RABGEF1: variants seen among roughly 807,000 people sequenced by gnomAD.
RABGEF1 encodes rab5 GDP/GTP exchange factor.
In RABGEF1, 26 loss-of-function variants were observed where a neutral mutation model predicts 57.3. The observed-to-expected ratio is 0.45, with a 90% CI of 0.33 to 0.63. The LOEUF (loss-of-function observed/expected upper bound fraction) is 0.63, where lower values mean the gene tolerates loss of function less well. Ranked by LOEUF, RABGEF1 falls within the 20% of genes least tolerant of loss-of-function variation. The pLI is 0.02. For synonymous variants in RABGEF1, 185 were observed against 210.7 expected, an observed-to-expected ratio of 0.88 and a Z score of 1.06; for missense variants, 464 against 607.6, an observed-to-expected ratio of 0.76 and a Z score of 2.48.
At chr7:66,701,217 G>A (rs1793209558) in intron 1 of RABGEF1, among the ~76,000 whole-genome samples, 1 of 152,214 alleles carries the variant, frequency 6.6e-6, no homozygotes, top group Admixed American at 6.5e-5. Flanking sequence ...GTAACAGGGA[G>A]GCTGGGCACA....
At chr7:66,656,267 C>T in the RABGEF1 span, among the ~76,000 whole-genome samples, 429 of 152,172 alleles carry the variant, frequency 2.8e-3, 3 homozygotes, top group African/African-American at 9.5e-3. Flanking sequence ...CAGATGCGTG[C>T]CACCACACCC....
At chr7:66,654,667 C>T in the RABGEF1 span, 1 of 152,546 alleles carries the variant, frequency 6.6e-6, no homozygotes, top group African/African-American at 2.4e-5. Flanking sequence ...TCGCGGCTCT[C>T]AGCTACGGGA....
intron 4 of RABGEF1, among the ~76,000 whole-genome samples, chr7:66,787,450 T>C (rs533571562): frequency 6.6e-6 from 1 of 151,862 alleles, no homozygotes; most frequent in South Asian, 2.1e-4. Flanking sequence ...TTCAAGCAAT[T>C]TTTATGCCCC....
intron 2 of RABGEF1, among the ~76,000 whole-genome samples, chr7:66,734,646 T>C (rs1797732424): frequency 6.6e-6 from 1 of 150,436 alleles, no homozygotes; most frequent in Non-Finnish European, 1.5e-5. Context: ...TTGGCCAGGC[T>C]GGTCTCGAAC....
chr7:66,788,709 T>C (rs1435897517), intron 4 of RABGEF1, among the ~76,000 whole-genome samples: 1 of 152,188 alleles, frequency 6.6e-6, no homozygotes, highest in Non-Finnish European at 1.5e-5. Flanking sequence ...CTGGGCACAG[T>C]GGCTCACGCT....
intron 1 of RABGEF1, among the ~76,000 whole-genome samples, chr7:66,698,108 C>A (rs78950023): frequency 6.6e-6 from 1 of 151,878 alleles, no homozygotes; most frequent in South Asian, 2.1e-4. Flanking sequence ...CGCACCCCCC[C>A]CACCCTCAGA....
chr7:66,686,699 CTG>C (rs1325125210), intron 1 of RABGEF1, among the ~76,000 whole-genome samples: 3 of 152,150 alleles, frequency 2.0e-5, no homozygotes, highest in African/African-American at 7.2e-5. Context: ...TCCTAAAATG[CTG>C]TAGGAAAACA....
At chr7:66,716,259 G>A (rs559852299) in intron 2 of RABGEF1, among the ~76,000 whole-genome samples, 2 of 151,994 alleles carry the variant, frequency 1.3e-5, no homozygotes, top group Non-Finnish European at 2.9e-5. Context: ...CAGCATTTAC[G>A]TAACATATCT....
rs1280517390 is a variant in RABGEF1 at position 66,773,762 on chromosome 7, C to T, written c.180-1465C>T. The T allele has an allele frequency of 8.8e-6, 4 of 452,934 alleles. No homozygotes were observed. In the East Asian group the frequency reaches 2.8e-4, roughly 31 times the overall value. The allele number at this position is 452,934 out of a possible 1,614,324, so 28.1% of individuals were successfully genotyped here. A position where few individuals can be genotyped will look rare whatever the true frequency, so the allele number is the denominator to read the frequency against. On this transcript the variant is annotated intron_variant, in intron 2 of 8. Transcript: ENST00000284957. ...CTTACTGCAACCTCTGCTTCCTGGG[C>T]TCAAGTGATCCTCCTGCTTCAGCCT... is the stretch of plus-strand genomic sequence containing the variant.
intron 1 of RABGEF1, among the ~76,000 whole-genome samples, chr7:66,691,746 A>G (rs922517567): frequency 2.0e-5 from 3 of 152,126 alleles, no homozygotes; most frequent in African/African-American, 7.2e-5. Flanking sequence ...AAGTGTTCTG[A>G]GCATGTTTAA....
chr7:66,803,073 AAG>A (rs1584270131), intron 7 of RABGEF1, among the ~76,000 whole-genome samples: 1 of 152,252 alleles, frequency 6.6e-6, no homozygotes, highest in East Asian at 1.9e-4. Context: ...TAAGTAGAAA[AAG>A]AAAAATAAAT....
At chr7:66,765,437 C>A (rs1183127076) in intron 1 of RABGEF1, among the ~76,000 whole-genome samples, 2 of 151,836 alleles carry the variant, frequency 1.3e-5, no homozygotes, top group African/African-American at 4.8e-5. Context: ...CTGTACAAGT[C>A]TTTTGGCATA....
intron 8 of RABGEF1, among the ~76,000 whole-genome samples, chr7:66,807,301 C>G (rs1464004354): frequency 6.6e-6 from 1 of 152,226 alleles, no homozygotes; most frequent in African/African-American, 2.4e-5. Context: ...AAGTTTCCAG[C>G]TGACGAACCC....
upstream of RABGEF1, among the ~76,000 whole-genome samples, chr7:66,679,413 A>G (rs1404931520): frequency 6.6e-6 from 1 of 151,904 alleles, no homozygotes; most frequent in African/African-American, 2.4e-5. Context: ...GGCTCATGTG[A>G]TCCTACCACT....
At chr7:66,675,698 G>C in the RABGEF1 span, among the ~76,000 whole-genome samples, 1 of 152,082 alleles carries the variant, frequency 6.6e-6, no homozygotes, top group African/African-American at 2.4e-5. Flanking sequence ...CAGCATAGAC[G>C]AAAACTGTTA....
chr7:66,720,186 T>C (rs1795853452), intron 2 of RABGEF1, among the ~76,000 whole-genome samples: 1 of 114,646 alleles, frequency 8.7e-6, no homozygotes, highest in Non-Finnish European at 2.0e-5. Context: ...ATTATTATTA[T>C]TATTATTATT....
At chr7:66,791,541 G>T (rs1812658288) in intron 4 of RABGEF1, among the ~76,000 whole-genome samples, 1 of 152,182 alleles carries the variant, frequency 6.6e-6, no homozygotes, top group South Asian at 2.1e-4. Flanking sequence ...GCAGTTAACA[G>T]CAGTACAGAC....
intron 1 of RABGEF1, among the ~76,000 whole-genome samples, chr7:66,685,153 C>CTTT (rs545055892): frequency 8.5e-4 from 86 of 101,094 alleles, no homozygotes; most frequent in Middle Eastern, 7.1e-3. Flanking sequence ...GGATTATTTG[C>CTTT]TTTTTTTTTT....
At chr7:66,674,629 C>T in the RABGEF1 span, among the ~76,000 whole-genome samples, 1 of 152,046 alleles carries the variant, frequency 6.6e-6, no homozygotes, top group Non-Finnish European at 1.5e-5. Flanking sequence ...ATAATAAAAA[C>T]AAACTACTGG....
Sources: gnomAD v4.1 joint callset for allele counts (sites outside exome capture counted in the v4.1 genomes callset) on GRCh38, gnomAD v4.1.1 for gene constraint, MANE v1.5 for transcripts, NCBI Gene and HGNC (gene_info 2026-07-23, HGNC 2026-07-21) for gene names.